The following KLHL7 variants were observed in gnomAD, a reference collection of about 807,000 sequenced individuals.
The protein encoded by KLHL7 is kelch like family member 7.
KLHL7 carries 44 observed loss-of-function variants against 67.4 expected under a neutral mutation model. That is an observed-to-expected ratio of 0.65 (90% CI 0.51 to 0.84). The LOEUF (loss-of-function observed/expected upper bound fraction) is 0.84. Ranked by LOEUF, KLHL7 falls within the 40% of genes least tolerant of loss-of-function variation. The probability of loss-of-function intolerance (pLI) is 0.00; values close to 1 mark genes in which losing one functional copy is unlikely to be tolerated. For synonymous variants in KLHL7, 252 were observed against 243.3 expected, an observed-to-expected ratio of 1.04 and a Z score of -0.33; for missense variants, 362 against 718.1, an observed-to-expected ratio of 0.50 and a Z score of 5.67.
chr7:23,121,270 C>T (rs1055888279), intron 1 of KLHL7, among the ~76,000 whole-genome samples: 1 of 152,242 alleles, frequency 6.6e-6, no homozygotes, highest in Admixed American at 6.5e-5. Flanking sequence ...TATATCTTGG[C>T]TGTTGTGCAT....
chr7:23,169,130 G>A (rs143976465), intron 9 of KLHL7, among the ~76,000 whole-genome samples: 6 of 152,114 alleles, frequency 3.9e-5, no homozygotes, highest in African/African-American at 9.6e-5. Flanking sequence ...GTGTTGTGGC[G>A]CGTGCCTGTA....
rs73684776 is a variant in KLHL7, at chr7:23,106,866, C to T, written c.120+720C>T. On this transcript the variant is annotated intron_variant, in intron 1 of 10. Coordinates refer to ENST00000339077, the MANE Select transcript of KLHL7 (RefSeq NM_001031710.3). ...AAGAGGCTTTTTTTTTTTTTAATTC[C>T]ATAACATCTACACCGATAAGCATAG... 3,793 of 924,898 alleles carry T rather than the reference C, an allele frequency of 4.1e-3. 142 individuals carry two copies. The African/African-American group carries it at 0.063, about 15-fold the overall frequency. The allele number at this position is 924,898 out of a possible 1,614,324, so 57.3% of individuals were successfully genotyped here.
intron 1 of KLHL7, among the ~76,000 whole-genome samples, chr7:23,115,912 C>T (rs890106547): frequency 6.6e-6 from 1 of 152,140 alleles, no homozygotes; most frequent in Non-Finnish European, 1.5e-5. Flanking sequence ...TACCAGGTAT[C>T]ATAGAGTTTC....
chr7:23,144,046 T>A (rs762533500), intron 6 of KLHL7, 21 bp downstream of exon 6: 55 of 1,599,556 alleles, frequency 3.4e-5, no homozygotes, highest in Non-Finnish European at 4.4e-5. Flanking sequence ...TTAATAACCA[T>A]TTATAACCTG....
intron 4 of KLHL7, 50 bp downstream of exon 4, chr7:23,125,222 T>A (rs763861273): frequency 5.6e-5 from 88 of 1,584,276 alleles, no homozygotes; most frequent in Middle Eastern, 4.1e-4. Flanking sequence ...TTATCCTTTA[T>A]TTCTAATTTA....
chr7:23,167,746 C>A, intron 8 of KLHL7, 90 bp from the exon 9 acceptor site: 1 of 1,175,258 alleles, frequency 8.5e-7, no homozygotes, highest in South Asian at 1.3e-5. Flanking sequence ...CTAAATTCTT[C>A]CTTCCTTAAC....
intron 4 of KLHL7, 92 bp downstream of exon 4, chr7:23,125,264 C>T (rs1185978367): frequency 7.6e-7 from 1 of 1,323,192 alleles, no homozygotes; most frequent in African/African-American, 1.5e-5. Context: ...TAAGTATCCG[C>T]ATTTAACCTT....
intron 1 of KLHL7, among the ~76,000 whole-genome samples, chr7:23,120,657 C>G (rs1583650506): frequency 6.6e-6 from 1 of 152,136 alleles, no homozygotes; most frequent in Non-Finnish European, 1.5e-5. Context: ...ACCTCAAACT[C>G]CTGGGCTCAA....
At chr7:23,169,132 G>C (rs187620393) in intron 9 of KLHL7, among the ~76,000 whole-genome samples, 12 of 152,050 alleles carry the variant, frequency 7.9e-5, no homozygotes, top group Non-Finnish European at 1.0e-4. Context: ...GTTGTGGCGC[G>C]TGCCTGTAAT....
At chr7:23,134,197 A>T (rs894755940) in intron 4 of KLHL7, among the ~76,000 whole-genome samples, 1 of 152,130 alleles carries the variant, frequency 6.6e-6, no homozygotes, top group East Asian at 1.9e-4. Flanking sequence ...TTCAGCATTG[A>T]CTGAAATTTT....
chr7:23,107,041 C>A (rs1782672414), intron 1 of KLHL7, among the ~76,000 whole-genome samples: 1 of 152,088 alleles, frequency 6.6e-6, no homozygotes, highest in South Asian at 2.1e-4. Flanking sequence ...ACCTAGTTTG[C>A]TTTGTCTGGT....
intron 4 of KLHL7, among the ~76,000 whole-genome samples, chr7:23,133,321 C>G (rs1277274702): frequency 6.6e-6 from 1 of 152,044 alleles, no homozygotes; most frequent in Non-Finnish European, 1.5e-5. Flanking sequence ...TTTCTTTTAT[C>G]AGTGTTTTAT....
chr7:23,161,452 T>C (rs1784852197), intron 7 of KLHL7, among the ~76,000 whole-genome samples: 1 of 152,246 alleles, frequency 6.6e-6, no homozygotes, highest in South Asian at 2.1e-4. Flanking sequence ...ACTCCTGCAG[T>C]GAATTACCTT....
At chr7:23,161,937 T>C (rs1784864824) in intron 7 of KLHL7, among the ~76,000 whole-genome samples, 1 of 152,248 alleles carries the variant, frequency 6.6e-6, no homozygotes, top group Admixed American at 6.5e-5. Context: ...GCTGTGCTTT[T>C]GGCAGTTGAG....
chr7:23,125,676 C>G, intron 4 of KLHL7: 1 of 1,395,054 alleles, frequency 7.2e-7, no homozygotes, highest in Non-Finnish European at 9.4e-7. Flanking sequence ...AAAACATAAC[C>G]TTAGTCTATA....
At position 23,175,602 on chromosome 7, in the gene KLHL7, T is replaced by C. The variant is rs1785279355; in HGVS notation, c.*1304T>C. On this transcript the variant is annotated 3_prime_UTR_variant, in exon 11 of 11. Transcript: ENST00000339077. ...AATGATAGGTATATTTCTATTTGTG[T>C]AGGGTTTTTTAATGTACAGCTTTAT... 2 of 306,854 alleles carry C rather than the reference T, an allele frequency of 6.5e-6. No individual in the cohort carries two copies. Among genetic ancestry groups the C allele is most frequent in the African/African-American group, 4.5e-5 (2 of 44,734 alleles). The allele number at this position is 306,854 out of a possible 1,614,324, so 19.0% of individuals were successfully genotyped here. A position where few individuals can be genotyped will look rare whatever the true frequency, so the allele number is the denominator to read the frequency against.
At chr7:23,125,833 C>T (rs1783548669) in intron 4 of KLHL7, 1 of 1,550,216 alleles carries the variant, frequency 6.5e-7, no homozygotes, top group African/African-American at 1.4e-5. Flanking sequence ...TCCTTAGTGG[C>T]ACATGAATGA....
intron 6 of KLHL7, among the ~76,000 whole-genome samples, chr7:23,151,805 G>C (rs2141307): frequency 0.36 from 55,442 of 151,922 alleles, 10,462 homozygotes; most frequent in African/African-American, 0.44. Flanking sequence ...TGAGGAGCCA[G>C]ATAATTCACT....
rs1285463363 is a variant in KLHL7, at chr7:23,177,179, T to C, written c.*2881T>C. 6.6e-6 allele frequency: 1 copy of C among 152,232 alleles called. No homozygotes were observed. Among genetic ancestry groups the C allele is most frequent in the East Asian group, 1.9e-4 (1 of 5,198 alleles). 9.4% of individuals were successfully genotyped at this position (152,232 alleles called of 1,614,324 possible). A position where few individuals can be genotyped will look rare whatever the true frequency, so the allele number is the denominator to read the frequency against. ...CAACCACTAATCTACTTTCTGTCTC[T>C]AGATTTGATTATTCTGAACATTTTT... On this transcript the variant is annotated 3_prime_UTR_variant, in exon 11 of 11. Coordinates refer to ENST00000339077, the MANE Select transcript of KLHL7 (RefSeq NM_001031710.3).
Sources: gnomAD v4.1 joint callset for allele counts (sites outside exome capture counted in the v4.1 genomes callset) on GRCh38, gnomAD v4.1.1 for gene constraint, MANE v1.5 for transcripts, NCBI Gene and HGNC (gene_info 2026-07-23, HGNC 2026-07-21) for gene names.